The following LRIF1 variants were observed in gnomAD, a reference collection of about 807,000 sequenced individuals.
LRIF1 encodes ligand-dependent nuclear receptor-interacting factor 1.
In LRIF1, 32 loss-of-function variants were observed where a neutral mutation model predicts 52.7. The ratio of observed to expected loss-of-function variants is 0.61; its 90% CI spans 0.46 to 0.82. LRIF1 has a LOEUF of 0.82. Among genes scored for constraint, LRIF1 ranks in the 40% least tolerant of loss-of-function variants. The pLI is 0.00. For missense variants in LRIF1, 887 were observed against 892.0 expected, an observed-to-expected ratio of 0.99 and a Z score of 0.07; for synonymous variants, 323 against 317.4, an observed-to-expected ratio of 1.02 and a Z score of -0.19.
chr1:110,946,102 T>G (rs1367706810), downstream of LRIF1, among the ~76,000 whole-genome samples: 2 of 152,136 alleles, frequency 1.3e-5, no homozygotes, highest in Admixed American at 6.5e-5. Context: ...ATCCAAATAT[T>G]CATAACGAAT....
At chr1:110,959,038 T>C (rs1181120193) in intron 1 of LRIF1, among the ~76,000 whole-genome samples, 3 of 152,312 alleles carry the variant, frequency 2.0e-5, no homozygotes, top group Non-Finnish European at 2.9e-5. Flanking sequence ...CTACAAAGAT[T>C]CTGTTTTCTG....
chr1:110,931,790 G>A, the LRIF1 span, among the ~76,000 whole-genome samples: 1 of 152,162 alleles, frequency 6.6e-6, no homozygotes, highest in African/African-American at 2.4e-5. Flanking sequence ...ATTCTTTTGA[G>A]ATGTGTCTGT....
the LRIF1 span, among the ~76,000 whole-genome samples, chr1:110,875,594 C>T: frequency 6.6e-6 from 1 of 152,130 alleles, no homozygotes; most frequent in African/African-American, 2.4e-5. Flanking sequence ...CTTCTTGTAC[C>T]AAGCAAGCAT....
the LRIF1 span, among the ~76,000 whole-genome samples, chr1:110,930,384 G>T: frequency 7.9e-5 from 12 of 152,156 alleles, no homozygotes; most frequent in African/African-American, 2.9e-4. Context: ...ATTTCTTACG[G>T]TTCTGAAAGC....
At chr1:110,909,299 T>C in the LRIF1 span, among the ~76,000 whole-genome samples, 1 of 152,138 alleles carries the variant, frequency 6.6e-6, no homozygotes, top group East Asian at 1.9e-4. Context: ...CTTACTGCCA[T>C]TATAAAGGAA....
the LRIF1 span, chr1:110,939,260 C>A: frequency 6.6e-6 from 1 of 151,552 alleles, no homozygotes; most frequent in African/African-American, 2.4e-5. Context: ...CGCCTGTAGT[C>A]CCAGCTACTT....
intron 1 of LRIF1, among the ~76,000 whole-genome samples, chr1:110,959,520 G>A (rs530092290): frequency 1.7e-4 from 26 of 152,046 alleles, no homozygotes; most frequent in Non-Finnish European, 3.2e-4. Context: ...GGGAGGCTGA[G>A]GTGGGCGGAT....
chr1:110,897,630 A>G, the LRIF1 span: 1 of 487,948 alleles, frequency 2.0e-6, no homozygotes, highest in Non-Finnish European at 3.7e-6. Context: ...AAAAGTCTGT[A>G]GTTTAATATT....
downstream of LRIF1, among the ~76,000 whole-genome samples, chr1:110,943,114 G>A (rs541664664): frequency 5.3e-5 from 8 of 152,256 alleles, no homozygotes; most frequent in East Asian, 1.2e-3. Flanking sequence ...AAATTGCAGT[G>A]AAGACAAAAT....
the LRIF1 span, among the ~76,000 whole-genome samples, chr1:110,932,766 C>T: frequency 3.9e-5 from 6 of 152,170 alleles, no homozygotes; most frequent in East Asian, 5.8e-4. Flanking sequence ...GAACTTTTGC[C>T]CACTCATTTT....
At chr1:110,909,094 T>A in the LRIF1 span, among the ~76,000 whole-genome samples, 1 of 151,582 alleles carries the variant, frequency 6.6e-6, no homozygotes, top group African/African-American at 2.4e-5. Flanking sequence ...GAAAAAAAAA[T>A]CCAATCAAGA....
In LRIF1 at chr1:110,952,201, G is replaced by C; in HGVS notation, c.683C>G (p.Thr228Ser). Reference protein sequence around the residue: ...SGMVEASQMPTVIYVSPVNTV... With the variant: ...SGMVEASQMPSVIYVSPVNTV... Reference sequence around the variant, plus strand: ...ATTTACAGGAGATACATAAATAACGGTTGGCATTTGGGAGGCCTCAACCAT... The same window carrying C: ...ATTTACAGGAGATACATAAATAACGCTTGGCATTTGGGAGGCCTCAACCAT... The change falls in exon 2 of 4, where the codon ACC becomes AGC. Residue 228 changes from threonine (T) to serine (S), a missense_variant. By Grantham distance (58) the Thr-to-Ser change is moderately conservative (BLOSUM62 1). Transcript: ENST00000369763. 1 of 1,614,202 alleles carries C rather than the reference G, an allele frequency of 6.2e-7. No individual in the cohort carries two copies. The highest frequency in any genetic ancestry group is 8.5e-7 in the Non-Finnish European group (1 of 1,180,036).
chr1:110,901,468 G>A, the LRIF1 span, among the ~76,000 whole-genome samples: 5 of 126,692 alleles, frequency 3.9e-5, no homozygotes, highest in Admixed American at 2.7e-4. Flanking sequence ...GAGCCACCTC[G>A]CACCCGGCCT....
chr1:110,951,274 C>G lies in LRIF1; in HGVS notation c.1596+14G>C. The G allele has an allele frequency of 6.3e-7, 1 of 1,592,372 alleles. No homozygotes were observed. On this transcript the variant is annotated intron_variant, in intron 2 of 3. Coordinates refer to ENST00000369763, the MANE Select transcript of LRIF1 (RefSeq NM_018372.4). ...TAGATATATAAAAAGAGCACCCTGA[C>G]ATGGGAAAATTACCTTTGGTTCTTG...
In LRIF1 at chr1:110,963,881, G is replaced by A. The variant is rs1659073325; in HGVS notation, c.-193C>T. 1 of 453,386 alleles carries A rather than the reference G, an allele frequency of 2.2e-6. No homozygotes were observed. The highest frequency in any genetic ancestry group is 3.3e-5 in the Admixed American group (1 of 30,278). 28.1% of individuals were successfully genotyped at this position (453,386 alleles called of 1,614,324 possible). A position where few individuals can be genotyped will look rare whatever the true frequency, so the allele number is the denominator to read the frequency against. ...TATCCCCAGGCTTCGGGACGAGGTC[G>A]CGCACCGCGCAGAAACCGGAAGGCT... On this transcript the variant is annotated 5_prime_UTR_variant, in exon 1 of 4. Coordinates refer to ENST00000369763, the MANE Select transcript of LRIF1 (RefSeq NM_018372.4).
rs775682328 is a variant in LRIF1 at position 110,948,255 on chromosome 1, T to C, written c.2014A>G (p.Thr672Ala). The change falls in exon 4 of 4, where the codon ACT becomes GCT. Residue 672 changes from threonine (T) to alanine (A), a missense_variant. Physicochemically the swap from Thr to Ala is moderately conservative, Grantham distance 58. Transcript: ENST00000369763. ...GSQLLSSILP[T>A]SDVSQHNILT... is the part of the protein sequence containing the mutation. ...ATGTTATGTTGTGACACATCTGAAG[T>C]TGGTAAAATACTGCTTAGGAGTTGG... is the stretch of plus-strand genomic sequence containing the variant. The C allele has an allele frequency of 6.8e-6, 11 of 1,614,006 alleles. No homozygotes were observed. The East Asian group carries it at 8.9e-5, about 13-fold the overall frequency.
chr1:110,903,355 G>T, the LRIF1 span, among the ~76,000 whole-genome samples: 1 of 152,144 alleles, frequency 6.6e-6, no homozygotes, highest in Non-Finnish European at 1.5e-5. Flanking sequence ...TCACAGCTTC[G>T]AAAGAGACAC....
the LRIF1 span, among the ~76,000 whole-genome samples, chr1:110,932,828 G>A: frequency 6.6e-6 from 1 of 152,180 alleles, no homozygotes; most frequent in African/African-American, 2.4e-5. Flanking sequence ...GGCATTTGCA[G>A]TGATGAATCT....
intron 3 of LRIF1, 81 bp from the exon 4 acceptor site, chr1:110,948,480 C>A: frequency 6.8e-7 from 1 of 1,474,448 alleles, no homozygotes; most frequent in South Asian, 1.4e-5. Flanking sequence ...TTAACAACGT[C>A]TGCAGAAACA....
Sources: allele counts gnomAD v4.1 joint callset (sites outside exome capture counted in the v4.1 genomes callset), GRCh38; gene constraint gnomAD v4.1.1; transcripts MANE v1.5; gene names NCBI Gene and HGNC (gene_info 2026-07-23, HGNC 2026-07-21).